CMIP: variants seen among roughly 807,000 people sequenced by gnomAD.
CMIP encodes the protein c-Maf inducing protein.
CMIP carries 13 observed loss-of-function variants against 97.3 expected under a neutral mutation model. The observed-to-expected ratio is 0.13, with a 90% CI of 0.09 to 0.21. The LOEUF (loss-of-function observed/expected upper bound fraction) is 0.21. Among genes scored for constraint, CMIP ranks in the 10% least tolerant of loss-of-function variants. CMIP has a pLI of 1.00. For synonymous variants in CMIP, 538 were observed against 436.3 expected, an observed-to-expected ratio of 1.23 and a Z score of -2.91; for missense variants, 847 against 1,024.9, an observed-to-expected ratio of 0.83 and a Z score of 2.37.
At chr16:81,670,098 C>G (rs754900389) in intron 7 of CMIP, 44 bp from the exon 8 acceptor site, 1 of 1,563,292 alleles carries the variant, frequency 6.4e-7, no homozygotes, top group African/African-American at 1.4e-5. Flanking sequence ...GGCTCCTGCC[C>G]TGCCTAGCAC....
chr16:81,565,870 G>A (rs996966380), intron 1 of CMIP, among the ~76,000 whole-genome samples: 15 of 152,216 alleles, frequency 9.9e-5, no homozygotes, highest in African/African-American at 3.6e-4. Context: ...TCCCAGCCCT[G>A]TGTTGGGCTG....
chr16:81,453,713 C>T lies in CMIP; in HGVS notation c.300+8172C>T, dbSNP rs967162526. Among the ~76,000 whole-genome samples, 17 of 152,236 alleles carry T rather than the reference C, an allele frequency of 1.1e-4. No individual in the cohort carries two copies. The highest frequency in any genetic ancestry group is 7.2e-4 in the Admixed American group (11 of 15,284). On this transcript the variant is annotated intron_variant, in intron 1 of 20. Coordinates refer to ENST00000537098, the MANE Select transcript of CMIP (RefSeq NM_198390.3). This position sits in a 1 kb window ranked among gnomAD's most constrained non-coding sequence, Gnocchi z 4.0. ...GGCATCTGGGTGGCTTCATGCAGCC[C>T]AGTTCTTGCAGTCCTGCAGGGGTCT...
At chr16:81,468,911 G>C (rs1196894573) in intron 1 of CMIP, among the ~76,000 whole-genome samples, 1 of 152,226 alleles carries the variant, frequency 6.6e-6, no homozygotes, top group Admixed American at 6.5e-5. Context: ...AATTGTGGAG[G>C]GCGGACGCAG....
At chr16:81,552,058 T>C (rs1263964688) in intron 1 of CMIP, among the ~76,000 whole-genome samples, 4 of 152,162 alleles carry the variant, frequency 2.6e-5, no homozygotes, top group African/African-American at 7.2e-5. Flanking sequence ...AGCCCAGCGC[T>C]GGCAGCTGCA....
chr16:81,571,974 G>T (rs962922587), intron 1 of CMIP, among the ~76,000 whole-genome samples: 6 of 152,362 alleles, frequency 3.9e-5, no homozygotes, highest in African/African-American at 1.4e-4. Context: ...ACTGGAGGAA[G>T]GGTGTCTCGG....
intron 10 of CMIP, among the ~76,000 whole-genome samples, chr16:81,683,756 C>CTTTT (rs71272426): frequency 7.1e-4 from 58 of 81,600 alleles, no homozygotes; most frequent in African/African-American, 8.8e-4. Flanking sequence ...TTTTCTTTTT[C>CTTTT]TTTTTTTTTT....
rs968430754 is a variant in CMIP at position 81,468,455 on chromosome 16, G to A, written c.300+22914G>A. Among the ~76,000 whole-genome samples, 11 of 152,378 alleles carry A rather than the reference G, an allele frequency of 7.2e-5. No individual in the cohort carries two copies. The East Asian group carries it at 1.9e-3, about 27-fold the overall frequency. On this transcript the variant is annotated intron_variant, in intron 1 of 20. Coordinates refer to ENST00000537098, the MANE Select transcript of CMIP (RefSeq NM_198390.3). ...GATGGAACCTTCCGCACCTTGTAGG[G>A]TGAGAACGAAGTGAGAAGTGAGCAG...
intron 1 of CMIP, among the ~76,000 whole-genome samples, chr16:81,489,369 C>G (rs2089370028): frequency 6.6e-6 from 1 of 152,166 alleles, no homozygotes; most frequent in African/African-American, 2.4e-5. Context: ...TGCAGAGGCT[C>G]CAGGCCCTGA....
intron 10 of CMIP, among the ~76,000 whole-genome samples, chr16:81,686,741 A>T (rs1186249430): frequency 6.6e-6 from 1 of 152,204 alleles, no homozygotes; most frequent in Non-Finnish European, 1.5e-5. Context: ...GGGGTTATCT[A>T]AACCGCCTGT....
At chr16:81,484,191 G>A (rs979928027) in intron 1 of CMIP, among the ~76,000 whole-genome samples, 1 of 152,016 alleles carries the variant, frequency 6.6e-6, no homozygotes, top group African/African-American at 2.4e-5. Context: ...GGTGGAAGTC[G>A]CCCTTCCCTG....
At chr16:81,596,346 A>G (rs978094894) in intron 1 of CMIP, among the ~76,000 whole-genome samples, 14 of 151,954 alleles carry the variant, frequency 9.2e-5, no homozygotes, top group African/African-American at 3.4e-4. Flanking sequence ...TCTCTACTAA[A>G]AGTACAGAAA....
intron 1 of CMIP, among the ~76,000 whole-genome samples, chr16:81,460,676 G>A (rs761662850): frequency 5.3e-5 from 8 of 152,212 alleles, no homozygotes; most frequent in Non-Finnish European, 1.0e-4. Flanking sequence ...CCTGGCTGAT[G>A]CACCAGGAGC....
At chr16:81,543,146 T>C (rs1176505609) in intron 1 of CMIP, among the ~76,000 whole-genome samples, 1 of 152,220 alleles carries the variant, frequency 6.6e-6, no homozygotes, top group East Asian at 1.9e-4. Flanking sequence ...GCTTGCTGTG[T>C]GGCCTTGAAG....
At chr16:81,670,102 C>G in intron 7 of CMIP, 40 bp from the exon 8 acceptor site, 4 of 1,572,648 alleles carry the variant, frequency 2.5e-6, no homozygotes, top group Non-Finnish European at 2.6e-6. Context: ...CCTGCCCTGC[C>G]TAGCACCGTC....
chr16:81,543,349 G>A (rs961326661), intron 1 of CMIP, among the ~76,000 whole-genome samples: 1 of 152,184 alleles, frequency 6.6e-6, no homozygotes, highest in Non-Finnish European at 1.5e-5. Context: ...TTGGTCCCGT[G>A]AGAACATTCA....
At chr16:81,508,179 G>T (rs2089745205) in intron 1 of CMIP, among the ~76,000 whole-genome samples, 1 of 152,160 alleles carries the variant, frequency 6.6e-6, no homozygotes, top group Admixed American at 6.5e-5. Flanking sequence ...GAATAGATAG[G>T]ACTTTCATAT....
intron 1 of CMIP, among the ~76,000 whole-genome samples, chr16:81,568,432 G>A (rs867170843): frequency 2.6e-5 from 4 of 152,140 alleles, no homozygotes; most frequent in South Asian, 2.1e-4. Context: ...TCCGTGGGCC[G>A]TGTGTCTCCC....
At chr16:81,656,068 G>T (rs553071687) in intron 4 of CMIP, among the ~76,000 whole-genome samples, 1 of 152,126 alleles carries the variant, frequency 6.6e-6, no homozygotes, top group Non-Finnish European at 1.5e-5. Context: ...GAAAAAAAGC[G>T]TGTTCAGATC....
chr16:81,498,475 C>G (rs535517933), intron 1 of CMIP, among the ~76,000 whole-genome samples: 1 of 152,356 alleles, frequency 6.6e-6, no homozygotes, highest in East Asian at 1.9e-4. Context: ...GGGGGCCACT[C>G]TGCCTCTGCC....
Sources: allele counts gnomAD v4.1 joint callset (sites outside exome capture counted in the v4.1 genomes callset), GRCh38; gene constraint gnomAD v4.1.1; non-coding constraint Gnocchi (gnomAD v3.1); transcripts MANE v1.5; gene names NCBI Gene and HGNC (gene_info 2026-07-23, HGNC 2026-07-21).